AHRR: variants seen among roughly 807,000 people sequenced by gnomAD.
The protein encoded by AHRR is ahR repressor.
AHRR carries 28 observed loss-of-function variants against 44.0 expected under a neutral mutation model. The observed-to-expected ratio is 0.64, with a 90% CI of 0.47 to 0.87. AHRR has a LOEUF of 0.87. Among genes scored for constraint, AHRR ranks in the 40% least tolerant of loss-of-function variants. The pLI, the probability that AHRR is intolerant of heterozygous loss-of-function variation, is 0.00. For synonymous variants in AHRR, 434 were observed against 407.0 expected (o/e 1.07, Z -0.80); for missense variants, 990 against 953.9 (o/e 1.04, Z -0.50).
chr5:383,866 C>T lies in AHRR; in HGVS notation c.351+7150C>T, dbSNP rs924230247. Among the ~76,000 whole-genome samples the T allele has an allele frequency of 1.3e-5, 2 of 152,320 alleles. No individual in the cohort carries two copies. The highest frequency in any genetic ancestry group is 2.1e-4 in the South Asian group (1 of 4,828). ...AGGTGTGAGCCACCACACCCAGCCC[C>T]CAGCTTTCTTTTGATTAATGTTTGC... On this transcript the variant is annotated intron_variant, in intron 4 of 10. Transcript: ENST00000684583. The surrounding 1 kb of genome is among the most constrained non-coding windows in gnomAD (Gnocchi z 4.0).
At chr5:345,984 A>T (rs992095562) in intron 2 of AHRR, among the ~76,000 whole-genome samples, 1 of 152,196 alleles carries the variant, frequency 6.6e-6, no homozygotes, top group Non-Finnish European at 1.5e-5. Context: ...CTCTCTGTGC[A>T]TCGAACACCA....
intron 4 of AHRR, among the ~76,000 whole-genome samples, chr5:382,594 C>T (rs970670161): frequency 3.3e-5 from 5 of 151,848 alleles, no homozygotes; most frequent in African/African-American, 1.2e-4. Flanking sequence ...TTCAAAGAAG[C>T]AGCTATTGGT....
chr5:333,014 T>G (rs559215509), intron 1 of AHRR, among the ~76,000 whole-genome samples: 1 of 151,968 alleles, frequency 6.6e-6, no homozygotes, highest in African/African-American at 2.4e-5. Flanking sequence ...GCTTTTGGTT[T>G]CCGTCTGTGT....
intron 3 of AHRR, among the ~76,000 whole-genome samples, chr5:355,106 A>G (rs1742994152): frequency 1.3e-5 from 2 of 152,226 alleles, no homozygotes; most frequent in Non-Finnish European, 2.9e-5. Context: ...GTTGAAAACT[A>G]TTAATTTTAT....
intron 1 of AHRR, 137 bp from the exon 2 acceptor site, chr5:343,753 CGAG>C: frequency 2.6e-6 from 2 of 782,724 alleles, no homozygotes; most frequent in Non-Finnish European, 3.9e-6. Context: ...GGGGGTCCCA[CGAG>C]GAGGAGCAGG....
chr5:332,263 CTT>C (rs36049046), intron 1 of AHRR, among the ~76,000 whole-genome samples: 5,863 of 116,898 alleles, frequency 0.05, 175 homozygotes, highest in South Asian at 0.071. Flanking sequence ...TCTGTTAAGA[CTT>C]TTTTTTTTTT....
At chr5:323,517 A>ACTTTAT (rs1202268476) in intron 1 of AHRR, among the ~76,000 whole-genome samples, 1 of 152,196 alleles carries the variant, frequency 6.6e-6, no homozygotes. Flanking sequence ...TTCTCAAACT[A>ACTTTAT]CTTTATCTTG....
At chr5:421,213 G>C in intron 5 of AHRR, 1 of 677,748 alleles carries the variant, frequency 1.5e-6, no homozygotes, top group Non-Finnish European at 2.7e-6. Flanking sequence ...GGACCCAGCG[G>C]CCTCCTCGTC....
chr5:360,157 C>T (rs1018309869), intron 3 of AHRR, among the ~76,000 whole-genome samples: 2 of 152,030 alleles, frequency 1.3e-5, no homozygotes, highest in African/African-American at 4.8e-5. Context: ...ACTGATAGGA[C>T]CAGTGTCCTT....
chr5:391,694 T>C lies in AHRR; in HGVS notation c.351+14978T>C, dbSNP rs13154862. The stretch of plus-strand genomic sequence containing the variant: ...GGGGCAGGGCGAGGAGGGCGCAGGG[T>C]GAGGCAGGGCCAGAGCGTGCATGGG... On this transcript the variant is annotated intron_variant, in intron 4 of 10. Coordinates refer to ENST00000684583, the MANE Select transcript of AHRR (RefSeq NM_001377236.1). Among the ~76,000 whole-genome samples the C allele has an allele frequency of 9.5e-4, 14 of 14,762 alleles. 2 individuals carry two copies. Among genetic ancestry groups the C allele is most frequent in the Admixed American group, 7.0e-3 (9 of 1,280 alleles). The allele number at this position is 14,762 out of a possible 152,430, so 9.7% of individuals were successfully genotyped here. A position where few individuals can be genotyped will look rare whatever the true frequency, so the allele number is the denominator to read the frequency against.
rs1318662241 is a variant in AHRR at position 342,124 on chromosome 5, G to A, written c.-10-1769G>A. ...GTCCCAGAATATGGTCTGTCTTGGC[G>A]AATGTTACATGTGTAAAAACCAGAT... On this transcript the variant is annotated intron_variant, in intron 1 of 10. Coordinates refer to ENST00000684583, the MANE Select transcript of AHRR (RefSeq NM_001377236.1). This position sits in a 1 kb window ranked among gnomAD's most constrained non-coding sequence, Gnocchi z 4.3. 1.2e-4 allele frequency among the ~76,000 whole-genome samples: 18 copies of A among 152,164 alleles called. No individual in the cohort carries two copies. Among genetic ancestry groups the A allele is most frequent in the Admixed American group, 5.2e-4 (8 of 15,272 alleles).
chr5:374,732 A>G (rs1743717836), intron 3 of AHRR, among the ~76,000 whole-genome samples: 1 of 152,134 alleles, frequency 6.6e-6, no homozygotes, highest in African/African-American at 2.4e-5. Context: ...TCACCTCCTC[A>G]CTCGGGCCCT....
chr5:327,850 T>C (rs1317618335), intron 1 of AHRR, among the ~76,000 whole-genome samples: 2 of 152,150 alleles, frequency 1.3e-5, no homozygotes, highest in African/African-American at 2.4e-5. Flanking sequence ...TTGTTACATA[T>C]GTATACATGT....
At chr5:391,386 AGGAGGGCG>A (rs1734432654) in intron 4 of AHRR, among the ~76,000 whole-genome samples, 5 of 108,236 alleles carry the variant, frequency 4.6e-5, no homozygotes, top group African/African-American at 2.8e-4. Context: ...GCGCAGGGCG[AGGAGGGCG>A]CAGGGCGAGG....
chr5:322,307 G>A (rs890141030), intron 1 of AHRR, among the ~76,000 whole-genome samples: 1 of 152,208 alleles, frequency 6.6e-6, no homozygotes, highest in Non-Finnish European at 1.5e-5. Flanking sequence ...CTGAGAGAGC[G>A]ATGTGGCGCC....
chr5:360,975 G>T (rs1408025822), intron 3 of AHRR, among the ~76,000 whole-genome samples: 2 of 152,152 alleles, frequency 1.3e-5, no homozygotes, highest in Non-Finnish European at 2.9e-5. Context: ...AGGTGGGCCG[G>T]GTACGGTGGC....
In AHRR at chr5:338,570, C is replaced by T. The variant is rs545344179; in HGVS notation, c.-10-5323C>T. On this transcript the variant is annotated intron_variant, in intron 1 of 10. Coordinates refer to ENST00000684583, the MANE Select transcript of AHRR (RefSeq NM_001377236.1). This position sits in a 1 kb window ranked among gnomAD's most constrained non-coding sequence, Gnocchi z 4.1. ...TTTTAATATTATTCTAGGCCAGGTA[C>T]GTGGCTCATACCTGTAATCCCAGCA... 7.9e-4 allele frequency among the ~76,000 whole-genome samples: 120 copies of T among 152,208 alleles called. No individual in the cohort carries two copies. The highest frequency in any genetic ancestry group is 2.7e-3 in the African/African-American group (114 of 41,520).
intron 7 of AHRR, chr5:427,561 C>T (rs932290616): frequency 3.1e-5 from 49 of 1,565,292 alleles, no homozygotes; most frequent in Middle Eastern, 4.6e-4. Flanking sequence ...TGTCAAAGGC[C>T]GTCGCCGCGG....
intron 1 of AHRR, among the ~76,000 whole-genome samples, chr5:323,211 C>T (rs552768011): frequency 1.3e-5 from 2 of 152,224 alleles, no homozygotes; most frequent in South Asian, 2.1e-4. Flanking sequence ...AGAACGCTGC[C>T]GTCAGGAGGC....
Sources: allele counts gnomAD v4.1 joint callset (sites outside exome capture counted in the v4.1 genomes callset), GRCh38; gene constraint gnomAD v4.1.1; non-coding constraint Gnocchi (gnomAD v3.1); transcripts MANE v1.5; gene names NCBI Gene and HGNC (gene_info 2026-07-23, HGNC 2026-07-21).